FCHSD2: variants seen among roughly 807,000 people sequenced by gnomAD.
The protein encoded by FCHSD2 is FCH and double SH3 domains 2.
Under a neutral mutation model 108.1 loss-of-function variants are expected in FCHSD2, and 38 were observed. That is an observed-to-expected ratio of 0.35 (90% CI 0.27 to 0.46). The LOEUF (loss-of-function observed/expected upper bound fraction) is 0.46. Ranked by LOEUF, FCHSD2 falls within the 20% of genes least tolerant of loss-of-function variation. The pLI is 1.00. For synonymous variants in FCHSD2, 279 were observed against 314.7 expected (o/e 0.89, Z 1.20); for missense variants, 751 against 897.8 (o/e 0.84, Z 2.09).
At chr11:72,897,102 G>A (rs1855436814) in intron 10 of FCHSD2, among the ~76,000 whole-genome samples, 2 of 152,072 alleles carry the variant, frequency 1.3e-5, no homozygotes, top group Non-Finnish European at 2.9e-5. Flanking sequence ...CAAAGTGCTG[G>A]GATTACAGGC....
In FCHSD2 at chr11:73,135,843, G is replaced by A. The variant is rs116113806; in HGVS notation, c.119+4188C>T. Among the ~76,000 whole-genome samples, 239 of 152,210 alleles carry A rather than the reference G, an allele frequency of 1.6e-3. 1 individual carries two copies. The highest frequency in any genetic ancestry group is 5.5e-3 in the African/African-American group (228 of 41,522). On this transcript the variant is annotated intron_variant, in intron 2 of 19. Coordinates refer to ENST00000409418, the MANE Select transcript of FCHSD2 (RefSeq NM_014824.3). Reference sequence around the variant, plus strand: ...GTATCATAATTGGTCTCCTCCCCTCGAAATTCCAAAAGATAAGAACTGGGG... The same window carrying A: ...GTATCATAATTGGTCTCCTCCCCTCAAAATTCCAAAAGATAAGAACTGGGG...
intron 2 of FCHSD2, among the ~76,000 whole-genome samples, chr11:73,116,287 T>C (rs1439164425): frequency 6.6e-6 from 1 of 152,178 alleles, no homozygotes; most frequent in African/African-American, 2.4e-5. Context: ...CTAGATTCTA[T>C]TTAGTAAATT....
intron 2 of FCHSD2, among the ~76,000 whole-genome samples, chr11:73,093,160 T>A (rs1254375393): frequency 6.6e-6 from 1 of 152,200 alleles, no homozygotes; most frequent in Non-Finnish European, 1.5e-5. Context: ...CTGTCACACA[T>A]CATTGCAGAA....
intron 14 of FCHSD2, among the ~76,000 whole-genome samples, chr11:72,848,958 A>G (rs1236927377): frequency 1.3e-5 from 2 of 152,236 alleles, no homozygotes; most frequent in African/African-American, 4.8e-5. Context: ...AACACTTTCA[A>G]TGAACAGGAA....
intron 2 of FCHSD2, among the ~76,000 whole-genome samples, chr11:73,124,945 A>C (rs1399878648): frequency 1.3e-5 from 2 of 152,228 alleles, no homozygotes; most frequent in Non-Finnish European, 2.9e-5. Context: ...CATAGATGTG[A>C]ACAAGTCTAT....
chr11:73,139,750 ATTAT>A (rs768053381), intron 2 of FCHSD2, among the ~76,000 whole-genome samples: 4 of 152,228 alleles, frequency 2.6e-5, no homozygotes, highest in Non-Finnish European at 5.9e-5. Context: ...CCGTGGAAAG[ATTAT>A]TTAAACAAGA....
At chr11:73,130,037 C>T (rs533349413) in intron 2 of FCHSD2, among the ~76,000 whole-genome samples, 10 of 151,886 alleles carry the variant, frequency 6.6e-5, no homozygotes, top group East Asian at 1.9e-4. Context: ...CCCGCCACCA[C>T]GCCCAGCTAA....
chr11:72,997,864 C>A (rs1047771985), intron 5 of FCHSD2, among the ~76,000 whole-genome samples: 1 of 152,132 alleles, frequency 6.6e-6, no homozygotes, highest in Non-Finnish European at 1.5e-5. Context: ...CCACACCTGG[C>A]TAATTTTTAC....
chr11:73,100,476 G>A (rs546015473), intron 2 of FCHSD2, among the ~76,000 whole-genome samples: 114 of 152,130 alleles, frequency 7.5e-4, no homozygotes, highest in Non-Finnish European at 1.3e-3. Context: ...CGATTCTCCC[G>A]CCTCAGCCTC....
chr11:72,878,264 T>G (rs1387786012), intron 12 of FCHSD2, among the ~76,000 whole-genome samples: 6 of 152,268 alleles, frequency 3.9e-5, no homozygotes, highest in Non-Finnish European at 7.4e-5. Flanking sequence ...CATTCTAGCC[T>G]GGGAAATATA....
intron 2 of FCHSD2, among the ~76,000 whole-genome samples, chr11:73,099,275 C>T (rs956326841): frequency 1.4e-5 from 2 of 147,008 alleles, no homozygotes; most frequent in African/African-American, 2.5e-5. Context: ...TAAAACAACA[C>T]AAAACAAAAC....
intron 5 of FCHSD2, among the ~76,000 whole-genome samples, chr11:72,994,858 A>T (rs1857492046): frequency 2.6e-5 from 4 of 152,226 alleles, no homozygotes; most frequent in African/African-American, 9.6e-5. Flanking sequence ...TATAATTCAC[A>T]TACAACAAAA....
At chr11:73,114,385 C>G (rs1434840911) in intron 2 of FCHSD2, among the ~76,000 whole-genome samples, 1 of 152,078 alleles carries the variant, frequency 6.6e-6, no homozygotes, top group Non-Finnish European at 1.5e-5. Flanking sequence ...GGGCCAAATC[C>G]TGGAATCAGA....
At chr11:73,039,405 C>T (rs138416817) in intron 3 of FCHSD2, among the ~76,000 whole-genome samples, 2 of 152,002 alleles carry the variant, frequency 1.3e-5, no homozygotes, top group Admixed American at 6.6e-5. Context: ...GTAGTCCTAG[C>T]TACTCCAGAG....
chr11:73,094,820 T>C (rs1860038911), intron 2 of FCHSD2, among the ~76,000 whole-genome samples: 1 of 152,206 alleles, frequency 6.6e-6, no homozygotes, highest in Non-Finnish European at 1.5e-5. Context: ...TTACAGTAAA[T>C]ACTGCAATAG....
intron 8 of FCHSD2, among the ~76,000 whole-genome samples, chr11:72,952,762 G>A (rs1856643145): frequency 6.6e-6 from 1 of 152,220 alleles, no homozygotes; most frequent in African/African-American, 2.4e-5. Flanking sequence ...CACCTACTAT[G>A]TGCCAGGCAC....
chr11:73,112,483 A>G (rs762148827), intron 2 of FCHSD2, among the ~76,000 whole-genome samples: 2 of 152,070 alleles, frequency 1.3e-5, no homozygotes, highest in Non-Finnish European at 2.9e-5. Context: ...TTTGGGCTGA[A>G]TCTGCTTGGT....
At chr11:72,991,247 G>A (rs553260250) in intron 5 of FCHSD2, among the ~76,000 whole-genome samples, 3 of 152,202 alleles carry the variant, frequency 2.0e-5, no homozygotes, top group South Asian at 2.1e-4. Context: ...AACAGTCCAG[G>A]ACCAGATGGA....
chr11:72,983,341 T>A (rs796374982), intron 8 of FCHSD2, among the ~76,000 whole-genome samples: 23 of 151,002 alleles, frequency 1.5e-4, no homozygotes, highest in African/African-American at 5.1e-4. Context: ...CATGGTAGCA[T>A]GCACCTGGAT....
Sources: gnomAD v4.1 joint callset for allele counts (sites outside exome capture counted in the v4.1 genomes callset) on GRCh38, gnomAD v4.1.1 for gene constraint, MANE v1.5 for transcripts, NCBI Gene and HGNC (gene_info 2026-07-23, HGNC 2026-07-21) for gene names.